The following IGSF9 variants were observed in gnomAD, a reference collection of about 807,000 sequenced individuals.
IGSF9 encodes protein turtle homolog A.
IGSF9 carries 87 observed loss-of-function variants against 121.7 expected under a neutral mutation model. The observed-to-expected ratio is 0.71, with a 90% CI of 0.60 to 0.85. The LOEUF (loss-of-function observed/expected upper bound fraction) is 0.85, where lower values mean the gene tolerates loss of function less well. Among genes scored for constraint, IGSF9 ranks in the 40% least tolerant of loss-of-function variants. The probability of loss-of-function intolerance (pLI) is 0.00; values close to 1 mark genes in which losing one functional copy is unlikely to be tolerated. For synonymous variants in IGSF9, 640 were observed against 648.4 expected, an observed-to-expected ratio of 0.99 and a Z score of 0.20; for missense variants, 1,462 against 1,565.3, an observed-to-expected ratio of 0.93 and a Z score of 1.11.
In IGSF9 at chr1:159,928,211, G is replaced by T. The variant is rs774955898; in HGVS notation, c.3177C>A (p.Ala1059=). ...SPAPGDTSSW[A]SGPERWPRRE... The stretch of plus-strand genomic sequence containing the variant: ...TTCGGGGCCATCTCTCAGGGCCACT[G>T]GCCCAGCTGCTGGTGTCTCCTGGAG... Residue 1059 remains alanine (A), a synonymous_variant, in exon 19 of 21, where the codon GCC becomes GCA. Transcript: ENST00000368094. The T allele has an allele frequency of 7.4e-6, 12 of 1,612,576 alleles. No individual in the cohort carries two copies. The highest frequency in any genetic ancestry group is 1.3e-5 in the African/African-American group (1 of 74,930).
chr1:159,936,998 G>A lies in IGSF9; in HGVS notation c.401-90C>T, dbSNP rs552456093. On this transcript the variant is annotated intron_variant, in intron 4 of 20. Transcript: ENST00000368094. ...GCCAGGGAGACCACTCAGGGCTCCAGCCTGCTGCCCACCCACCAGCCCTGC... is the reference window on the plus strand; with the variant it reads ...GCCAGGGAGACCACTCAGGGCTCCAACCTGCTGCCCACCCACCAGCCCTGC... 5.9e-4 allele frequency: 787 copies of A among 1,324,064 alleles called. 1 individual carries two copies. Among genetic ancestry groups the A allele is most frequent in the Admixed American group, 1.1e-3 (54 of 50,680 alleles). 82.0% of individuals were successfully genotyped at this position (1,324,064 alleles called of 1,614,324 possible).
intron 3 of IGSF9, among the ~76,000 whole-genome samples, chr1:159,941,035 C>G (rs774267169): frequency 1.3e-5 from 2 of 152,204 alleles, no homozygotes; most frequent in African/African-American, 2.4e-5. Flanking sequence ...CTGAATCCTC[C>G]TCTTTAGTCC....
Position 159,930,925 on chromosome 1 carries a change from G to T in IGSF9, c.1638-58C>A, listed in dbSNP as rs183555037. ...TGAGCTAGGAAGACCAGAAGATCTG[G>T]GGTCCAGAGATCTAACCACCTCCCC... On this transcript the variant is annotated intron_variant, in intron 13 of 20. Transcript: ENST00000368094. The T allele has an allele frequency of 2.5e-5, 38 of 1,509,314 alleles. No individual in the cohort carries two copies. The East Asian group carries it at 8.8e-4, about 35-fold the overall frequency. 93.5% of individuals were successfully genotyped at this position (1,509,314 alleles called of 1,614,324 possible).
intron 14 of IGSF9, 74 bp from the exon 15 acceptor site, chr1:159,930,513 G>T: frequency 6.6e-7 from 1 of 1,517,668 alleles, no homozygotes; most frequent in Non-Finnish European, 8.8e-7. Context: ...AACTCCCAGT[G>T]CCCAACTCTT....
chr1:159,927,126 AGAGAGG>A lies in IGSF9; in HGVS notation c.*213_*218del. 8 of 596,290 alleles carry A rather than the reference AGAGAGG, an allele frequency of 1.3e-5. No individual in the cohort carries two copies. The highest frequency in any genetic ancestry group is 4.0e-5 in the South Asian group (2 of 49,664). 36.9% of individuals were successfully genotyped at this position (596,290 alleles called of 1,614,324 possible). A position where few individuals can be genotyped will look rare whatever the true frequency, so the allele number is the denominator to read the frequency against. ...GAGAGAGAGAGAGAGAGAGAGAGAG[AGAGAGG>A]CAGACCTAAGATCCCTGTTCCAATC... On this transcript the variant is annotated 3_prime_UTR_variant, in exon 21 of 21. Transcript: ENST00000368094.
At position 159,928,923 on chromosome 1, in the gene IGSF9, T is replaced by G; in HGVS notation, c.2465A>C (p.Asp822Ala). 1 of 1,584,258 alleles carries G rather than the reference T, an allele frequency of 6.3e-7. No homozygotes were observed. Among genetic ancestry groups the G allele is most frequent in the Non-Finnish European group, 8.6e-7 (1 of 1,166,682 alleles). Reference sequence around the variant, plus strand: ...GTGGGGGCTGGGAGTTCCGGCAGGATCCCCCCAGAGCAGACTCTGGCGCAG... The same window carrying G: ...GTGGGGGCTGGGAGTTCCGGCAGGAGCCCCCCAGAGCAGACTCTGGCGCAG... ...PSLRQSLLWG[D>A]PAGTPSPHPD... Residue 822 changes from aspartate to alanine, a missense_variant, in exon 19 of 21, where the codon GAT becomes GCT. Physicochemically the swap from Asp to Ala is moderately radical, Grantham distance 126 (BLOSUM62 -2). Transcript: ENST00000368094.
At chr1:159,933,347 A>C (rs1359471286) in intron 9 of IGSF9, 1 of 152,250 alleles carries the variant, frequency 6.6e-6, no homozygotes, top group Admixed American at 6.5e-5. Flanking sequence ...CTTTTTTCTT[A>C]AATATTCAAC....
intron 3 of IGSF9, 117 bp downstream of exon 3, chr1:159,942,846 A>G: frequency 1.3e-6 from 1 of 774,474 alleles, no homozygotes; most frequent in African/African-American, 1.8e-5. Flanking sequence ...AAGGCAGCAG[A>G]GCTGGAGATG....
In IGSF9 at chr1:159,934,737, G is replaced by T. The variant is rs1651127523; in HGVS notation, c.759C>A (p.Tyr253Ter). ...ACCAGCTGTAGGTGAGGTTAGCAGG[G>T]TATGCCTCAGCATGGCAGGCCAATG... ...DVSLACHAEA[Y>*]PANLTYSWFQ... The change falls in exon 7 of 21, where the codon TAC (tyrosine) becomes TAA (stop). Residue 253 changes from tyrosine to a stop codon, truncating the protein, a stop_gained. Transcript: ENST00000368094. LOFTEE classifies it high-confidence loss of function. 6.2e-7 allele frequency: 1 copy of T among 1,614,102 alleles called. No individual in the cohort carries two copies. Among genetic ancestry groups the T allele is most frequent in the Non-Finnish European group, 8.5e-7 (1 of 1,180,040 alleles).
intron 9 of IGSF9, chr1:159,933,032 G>A (rs1419514699): frequency 6.0e-6 from 1 of 167,260 alleles, no homozygotes; most frequent in Non-Finnish European, 1.3e-5. Context: ...CTCTATTAAA[G>A]GGCCCGCCAT....
Position 159,942,965 on chromosome 1 carries a change from A to T in IGSF9, c.245T>A (p.Val82Glu). 12 of 1,612,318 alleles carry T rather than the reference A, an allele frequency of 7.4e-6. No individual in the cohort carries two copies. The highest frequency in any genetic ancestry group is 9.3e-6 in the Non-Finnish European group (11 of 1,179,158). Residue 82 changes from valine to glutamate, a missense_variant and splice_region_variant, in exon 3 of 21, where the codon GTG becomes GAG. Val to Glu is a moderately radical substitution (Grantham distance 121). Coordinates refer to ENST00000368094, the MANE Select transcript of IGSF9 (RefSeq NM_001135050.2). The stretch of plus-strand genomic sequence containing the variant: ...TCCCACCTGAGGAGAACTCTTACCC[A>T]CGTAATCAGGGTCAATTCGGGGAGA... ...LYSPRIDPDY[V>E]GRVRLQKGAS...
Position 159,930,822 on chromosome 1 carries a change from T to G in IGSF9, c.1683A>C (p.Ala561=), listed in dbSNP as rs367573427. The part of the protein sequence containing the change: ...DRMHHDWVSL[A]VPVGAAHLLV... ...GGAGGTGAGCAGCCCCCACAGGCACTGCCAAGGACACCCAGTCATGGTGCA... is the reference window on the plus strand; with the variant it reads ...GGAGGTGAGCAGCCCCCACAGGCACGGCCAAGGACACCCAGTCATGGTGCA... The change falls in exon 14 of 21, where the codon GCA becomes GCC. Residue 561 remains alanine, a synonymous_variant. Coordinates refer to ENST00000368094, the MANE Select transcript of IGSF9 (RefSeq NM_001135050.2). The G allele has an allele frequency of 3.1e-6, 5 of 1,613,308 alleles. No homozygotes were observed. The highest frequency in any genetic ancestry group is 4.2e-6 in the Non-Finnish European group (5 of 1,179,626).
At chr1:159,930,095 C>T in intron 15 of IGSF9, 94 bp downstream of exon 15, 1 of 1,548,406 alleles carries the variant, frequency 6.5e-7, no homozygotes, top group South Asian at 1.2e-5. Flanking sequence ...AGGTGAAGAG[C>T]TCAAATCAAG....
chr1:159,937,226 C>G (rs1651223755), intron 4 of IGSF9, among the ~76,000 whole-genome samples: 1 of 152,238 alleles, frequency 6.6e-6, no homozygotes, highest in African/African-American at 2.4e-5. Flanking sequence ...TGCCACTAAT[C>G]AGTGGCATGA....
At chr1:159,934,998 T>C (rs958161089) in intron 6 of IGSF9, among the ~76,000 whole-genome samples, 176 bp from the exon 7 acceptor site, 1 of 152,178 alleles carries the variant, frequency 6.6e-6, no homozygotes, top group Non-Finnish European at 1.5e-5. Flanking sequence ...ATTCATCCTC[T>C]CCCTGAGACC....
chr1:159,930,857 G>A lies in IGSF9; in HGVS notation c.1648C>T (p.Pro550Ser), dbSNP rs780350546. ...ACCCAGTCATGGTGCATTCGGTCAGGACGCTTGGCCCTGGGAGACATGAGG... is the reference window on the plus strand; with the variant it reads ...ACCCAGTCATGGTGCATTCGGTCAGAACGCTTGGCCCTGGGAGACATGAGG... The part of the protein sequence containing the change: ...SVWYTPLAKR[P>S]DRMHHDWVSL... The change falls in exon 14 of 21, where the codon CCT becomes TCT. Residue 550 changes from proline to serine, a missense_variant. Transcript: ENST00000368094. 1.1e-5 allele frequency: 17 copies of A among 1,606,600 alleles called. No individual in the cohort carries two copies. In the East Asian group the frequency reaches 3.6e-4, roughly 34 times the overall value.
Position 159,927,950 on chromosome 1 carries a change from A to C in IGSF9, c.3231-63T>G, listed in dbSNP as rs567117742. 318 of 1,573,160 alleles carry C rather than the reference A, an allele frequency of 2.0e-4. 3 individuals carry two copies. The Middle Eastern group carries it at 7.7e-3, about 38-fold the overall frequency. On this transcript the variant is annotated intron_variant, in intron 19 of 20. Transcript: ENST00000368094. ...GTGGAGGAATAGAGGCTGTTCAGAA[A>C]AGTCTGAATTCAGCGACCGCAAACT...
chr1:159,943,309 C>G, intron 2 of IGSF9, 88 bp downstream of exon 2: 1 of 1,395,558 alleles, frequency 7.2e-7, no homozygotes, highest in East Asian at 2.5e-5. Context: ...CCCCTGCCCT[C>G]ACATGCTCAA....
At position 159,929,952 on chromosome 1, in the gene IGSF9, G is replaced by A. The variant is rs867068444; in HGVS notation, c.2088C>T (p.Leu696=). The change falls in exon 16 of 21, where the codon CTC becomes CTT. Residue 696 remains leucine (L), a synonymous_variant. Coordinates refer to ENST00000368094, the MANE Select transcript of IGSF9 (RefSeq NM_001135050.2). ...TGACGAAGCTGCCCGCGAAGGCCAC[G>A]AGGCGGAACTCGTAGAGAACATCCT... ...LIKDVLYEFR[L]VAFAGSFVSD... 6.3e-7 allele frequency: 1 copy of A among 1,585,368 alleles called. No individual in the cohort carries two copies. The highest frequency in any genetic ancestry group is 8.6e-7 in the Non-Finnish European group (1 of 1,166,532).
Sources: gnomAD v4.1 joint callset for allele counts (sites outside exome capture counted in the v4.1 genomes callset) on GRCh38, gnomAD v4.1.1 for gene constraint, MANE v1.5 for transcripts, NCBI Gene and HGNC (gene_info 2026-07-23, HGNC 2026-07-21) for gene names.